TRERF1: variants seen among roughly 807,000 people sequenced by gnomAD.
The protein encoded by TRERF1 is transcriptional-regulating factor 1.
A neutral mutation model predicts 122.9 loss-of-function variants in TRERF1; 27 were observed. The ratio of observed to expected loss-of-function variants is 0.22; its 90% CI spans 0.16 to 0.30. TRERF1 has a LOEUF of 0.30. TRERF1 is among the 10% of genes least tolerant of loss of function. The probability of loss-of-function intolerance (pLI) is 1.00; values close to 1 mark genes in which losing one functional copy is unlikely to be tolerated. For synonymous variants in TRERF1, 636 were observed against 641.7 expected (o/e 0.99, Z 0.13); for missense variants, 1,248 against 1,560.3 (o/e 0.80, Z 3.37).
At chr6:42,401,549 A>G (rs1779390451) in intron 2 of TRERF1, among the ~76,000 whole-genome samples, 1 of 152,196 alleles carries the variant, frequency 6.6e-6, no homozygotes, top group Admixed American at 6.5e-5. Context: ...GCATACAGAC[A>G]TGCACAAAAA....
chr6:42,310,530 T>C (rs1788056549), intron 3 of TRERF1, among the ~76,000 whole-genome samples: 2 of 152,324 alleles, frequency 1.3e-5, no homozygotes, highest in African/African-American at 4.8e-5. Context: ...AGAGACATTG[T>C]TGGTTGTCAC....
In TRERF1 at chr6:42,326,210, G is replaced by A. The variant is rs140846326; in HGVS notation, c.-370-25461C>T. Among the ~76,000 whole-genome samples, 165 of 152,040 alleles carry A rather than the reference G, an allele frequency of 1.1e-3. 1 individual carries two copies. The highest frequency in any genetic ancestry group is 3.8e-3 in the African/African-American group (158 of 41,308). ...AAAAATTCAGTGCAACACTGGCCAG[G>A]TGACTGGCTTGCCAGTTGGCTGGCT... On this transcript the variant is annotated intron_variant, in intron 3 of 17. Transcript: ENST00000372922.
chr6:42,325,511 C>G (rs1315124090), intron 3 of TRERF1, among the ~76,000 whole-genome samples: 1 of 152,116 alleles, frequency 6.6e-6, no homozygotes, highest in African/African-American at 2.4e-5. Context: ...AACTAGATGC[C>G]CATTAACAGT....
chr6:42,294,715 CA>C (rs1784819761), intron 4 of TRERF1, among the ~76,000 whole-genome samples: 1 of 152,140 alleles, frequency 6.6e-6, no homozygotes, highest in African/African-American at 2.4e-5. Context: ...CCTGGCACCC[CA>C]AACTCCTCAG....
At chr6:42,319,937 T>C (rs1335748484) in intron 3 of TRERF1, among the ~76,000 whole-genome samples, 1 of 152,010 alleles carries the variant, frequency 6.6e-6, no homozygotes, top group Non-Finnish European at 1.5e-5. Context: ...AGTCTCACTT[T>C]GTCTCCCAGG....
chr6:42,258,135 G>A, exon 10 of TRERF1: 2 of 1,613,756 alleles, frequency 1.2e-6, no homozygotes, highest in Non-Finnish European at 1.7e-6. Flanking sequence ...TTTTCCTTAC[G>A]GTTCAACATC....
chr6:42,411,692 G>A (rs1781115219), intron 2 of TRERF1, among the ~76,000 whole-genome samples: 1 of 152,192 alleles, frequency 6.6e-6, no homozygotes, highest in African/African-American at 2.4e-5. Context: ...GCCCTCACCA[G>A]GGATGAGGCA....
chr6:42,237,662 G>A (rs1281271569), intron 15 of TRERF1, among the ~76,000 whole-genome samples: 1 of 152,138 alleles, frequency 6.6e-6, no homozygotes, highest in Non-Finnish European at 1.5e-5. Flanking sequence ...TAAGTCTGGG[G>A]AGCCTATGAT....
intron 2 of TRERF1, among the ~76,000 whole-genome samples, chr6:42,408,210 A>T (rs4714607): frequency 6.5e-5 from 7 of 107,132 alleles, no homozygotes; most frequent in Non-Finnish European, 9.2e-5. Flanking sequence ...TATATAAATA[A>T]ATATATATAT....
chr6:42,323,006 T>A (rs1314960419), intron 3 of TRERF1, among the ~76,000 whole-genome samples: 1 of 151,376 alleles, frequency 6.6e-6, no homozygotes, highest in Non-Finnish European at 1.5e-5. Flanking sequence ...AAGCAGAGGA[T>A]AACTAGCACC....
intron 4 of TRERF1, among the ~76,000 whole-genome samples, chr6:42,280,742 C>T (rs781746162): frequency 1.2e-4 from 18 of 151,692 alleles, no homozygotes; most frequent in African/African-American, 2.9e-4. Context: ...CTGCTGAGGG[C>T]GGGGAAAGGA....
At chr6:42,449,986 C>T (rs544894104) in intron 2 of TRERF1, among the ~76,000 whole-genome samples, 6 of 152,202 alleles carry the variant, frequency 3.9e-5, no homozygotes, top group Non-Finnish European at 8.8e-5. Context: ...GGGTTGGACC[C>T]GAGATGCTAA....
At chr6:42,447,785 A>G (rs1389961393) in intron 2 of TRERF1, among the ~76,000 whole-genome samples, 2 of 151,980 alleles carry the variant, frequency 1.3e-5, no homozygotes, top group African/African-American at 4.8e-5. Context: ...GCTCACTGCA[A>G]CCTCTGCCTC....
At position 42,276,517 on chromosome 6, in the gene TRERF1, C is replaced by G. The variant is rs1284953699; in HGVS notation, c.-258-6669G>C. 1.3e-5 allele frequency among the ~76,000 whole-genome samples: 2 copies of G among 152,228 alleles called. No individual in the cohort carries two copies. Among genetic ancestry groups the G allele is most frequent in the Non-Finnish European group, 2.9e-5 (2 of 68,044 alleles). ...GGGCTCCTCTTAGTCCAGCTCACTC[C>G]CAGCTCCCCTAAGCAGGCAGGAGCC... is the stretch of plus-strand genomic sequence containing the variant. On this transcript the variant is annotated intron_variant, in intron 4 of 17. Coordinates refer to ENST00000372922, the Ensembl canonical transcript of TRERF1. This position sits in a 1 kb window ranked among gnomAD's most constrained non-coding sequence, Gnocchi z 4.3.
chr6:42,380,645 A>G (rs938145637), intron 2 of TRERF1, among the ~76,000 whole-genome samples: 31 of 152,340 alleles, frequency 2.0e-4, no homozygotes, highest in Non-Finnish European at 7.4e-5. Context: ...AGAAGCCCCC[A>G]GCAATTCCCC....
chr6:42,431,745 A>G (rs1327928939), intron 2 of TRERF1, among the ~76,000 whole-genome samples: 2 of 150,998 alleles, frequency 1.3e-5, no homozygotes, highest in East Asian at 4.0e-4. Flanking sequence ...CCCACAATAG[A>G]TACAATATAA....
In TRERF1 at chr6:42,383,521, C is replaced by T. The variant is rs370476217; in HGVS notation, c.-453-20442G>A. On this transcript the variant is annotated intron_variant, in intron 2 of 17. Transcript: ENST00000372922. ...TGTTCAACCCACCAGGAGGCACTTG[C>T]TCTCCATATGAGTCAGACTGTTCCC... 2.2e-4 allele frequency among the ~76,000 whole-genome samples: 33 copies of T among 152,284 alleles called. No individual in the cohort carries two copies. In the East Asian group the frequency reaches 5.4e-3, roughly 25 times the overall value.
chr6:42,339,422 C>T (rs1469036576), intron 3 of TRERF1, among the ~76,000 whole-genome samples: 5 of 152,234 alleles, frequency 3.3e-5, no homozygotes, highest in Admixed American at 1.3e-4. Context: ...ATAGCAGGGT[C>T]GGAAAACCAA....
At chr6:42,390,131 G>T (rs961443588) in intron 2 of TRERF1, among the ~76,000 whole-genome samples, 4 of 152,318 alleles carry the variant, frequency 2.6e-5, no homozygotes, top group South Asian at 2.1e-4. Context: ...AGTGTCGGGG[G>T]AGAATTCTAC....
Sources: gnomAD v4.1 joint callset for allele counts (sites outside exome capture counted in the v4.1 genomes callset) on GRCh38, gnomAD v4.1.1 for gene constraint, Gnocchi (gnomAD v3.1) non-coding constraint, MANE v1.5 for transcripts, NCBI Gene and HGNC (gene_info 2026-07-23, HGNC 2026-07-21) for gene names.